The following KMT2B variants were observed in gnomAD, a reference collection of about 807,000 sequenced individuals.
KMT2B encodes the protein lysine methyltransferase 2B, also known as histone-lysine N-methyltransferase 2B.
In KMT2B, 22 loss-of-function variants were observed where a neutral mutation model predicts 255.3. That is an observed-to-expected ratio of 0.09 (90% CI 0.06 to 0.12). KMT2B has a LOEUF of 0.12. KMT2B is among the 10% of genes least tolerant of loss of function. KMT2B has a pLI of 1.00. For synonymous variants in KMT2B, 1,730 were observed against 1,498.1 expected (o/e 1.15, Z -3.57); for missense variants, 3,149 against 3,737.0 (o/e 0.84, Z 4.10).
rs1969369316 is a variant in KMT2B, at chr19:35,724,834, A to G, written c.3429+103A>G. On this transcript the variant is annotated intron_variant, in intron 9 of 36. Transcript: ENST00000420124. Reference sequence around the variant, plus strand: ...TCGTGGTGTGTCCACATGAGAGGACAGGCCCTGAGGGATGAGGCGGGCCTT... The same window carrying G: ...TCGTGGTGTGTCCACATGAGAGGACGGGCCCTGAGGGATGAGGCGGGCCTT... 5 of 1,193,320 alleles carry G rather than the reference A, an allele frequency of 4.2e-6. No homozygotes were observed. In the East Asian group the frequency reaches 7.6e-5, roughly 18 times the overall value. 73.9% of individuals were successfully genotyped at this position (1,193,320 alleles called of 1,614,324 possible).
rs757983939 is a variant in KMT2B at position 35,733,034 on chromosome 19, C to T, written c.6485C>T (p.Thr2162Ile). 2 of 1,590,620 alleles carry T rather than the reference C, an allele frequency of 1.3e-6. No homozygotes were observed. The highest frequency in any genetic ancestry group is 1.1e-5 in the South Asian group (1 of 87,536). ...LTASPADPTR[T>I]FAWLPGAPGV... The stretch of plus-strand genomic sequence containing the variant: ...GCCAGCCCAGCTGACCCCACCCGCA[C>T]ATTTGCCTGGCTCCCAGGGGCCCCA... Residue 2162 changes from threonine to isoleucine, a missense_variant, in exon 28 of 37, where the codon ACA (threonine) becomes ATA (isoleucine). Physicochemically the swap from Thr to Ile is moderately conservative, Grantham distance 89. Coordinates refer to ENST00000420124, the MANE Select transcript of KMT2B (RefSeq NM_014727.3). The surrounding 1 kb of genome is among the most constrained non-coding windows in gnomAD (Gnocchi z 4.3).
intron 26 of KMT2B, 115 bp downstream of exon 26, chr19:35,730,982 C>A: frequency 8.3e-7 from 1 of 1,202,726 alleles, no homozygotes; most frequent in Non-Finnish European, 1.1e-6. Flanking sequence ...GCTTCAGTTG[C>A]TGTAATGTAA....
At position 35,732,376 on chromosome 19, in the gene KMT2B, C is replaced by A. The variant is rs751969719; in HGVS notation, c.5827C>A (p.Pro1943Thr). ...LKTSPQLRVP[P>T]PTSVVTALTP... ...AACCTCCCCTCAGCTCAGGGTGCCCCCTCCTACCTCAGTCGTCACAGCCCT... is the reference window on the plus strand; with the variant it reads ...AACCTCCCCTCAGCTCAGGGTGCCCACTCCTACCTCAGTCGTCACAGCCCT... Residue 1943 changes from proline to threonine, a missense_variant, in exon 28 of 37, where the codon CCT (proline) becomes ACT (threonine). By Grantham distance (38) the Pro-to-Thr change is conservative. Around this residue, in one of 18 missense-constraint regions of KMT2B, gnomAD observed 897 missense variants for 825.3 expected, o/e 1.09. Transcript: ENST00000420124. 10 of 1,613,116 alleles carry A rather than the reference C, an allele frequency of 6.2e-6. No individual in the cohort carries two copies. In the Admixed American group the frequency reaches 1.7e-4, roughly 27 times the overall value.
intron 22 of KMT2B, 40 bp from the exon 23 acceptor site, chr19:35,729,927 C>A: frequency 6.3e-7 from 1 of 1,589,982 alleles, no homozygotes. Flanking sequence ...CGCCCAGCCC[C>A]AGCCCTGGCT....
chr19:35,723,878 TC>T lies in KMT2B; in HGVS notation c.3208del (p.Leu1070SerfsTer112). 1 of 1,610,224 alleles carries T rather than the reference TC, an allele frequency of 6.2e-7. No individual in the cohort carries two copies. The highest frequency in any genetic ancestry group is 1.7e-5 in the Admixed American group (1 of 59,684). On this transcript the variant is annotated frameshift_variant, in exon 8 of 37. Coordinates refer to ENST00000420124, the MANE Select transcript of KMT2B (RefSeq NM_014727.3). LOFTEE classifies it high-confidence loss of function. The surrounding 1 kb of genome is among the most constrained non-coding windows in gnomAD (Gnocchi z 7.5). ...VAHPGPEEQDSLLQRKSARRC... is the reference protein window; with the variant it reads ...VAHPGPEEQDXLLQRKSARRC... Reference sequence around the variant, plus strand: ...CCACCCAGGGCCCGAGGAGCAGGACTCCCTCCTGCAGCGCAAGTCAGCTCGG... The same window carrying T: ...CCACCCAGGGCCCGAGGAGCAGGACTCCTCCTGCAGCGCAAGTCAGCTCGG...
rs1274462820 is a variant in KMT2B at position 35,718,744 on chromosome 19, TG to T, written c.363+365del. 2.6e-5 allele frequency among the ~76,000 whole-genome samples: 4 copies of T among 152,062 alleles called. No homozygotes were observed. Among genetic ancestry groups the T allele is most frequent in the African/African-American group, 9.7e-5 (4 of 41,414 alleles). ...GGCAGCGTGGCCTTGGCAGACAGGT[TG>T]GAGCTGTCTGGGCTCTTACCTGTGG... On this transcript the variant is annotated intron_variant, in intron 1 of 36. Transcript: ENST00000420124. This position sits in a 1 kb window ranked among gnomAD's most constrained non-coding sequence, Gnocchi z 5.0.
intron 22 of KMT2B, among the ~76,000 whole-genome samples, chr19:35,729,557 C>A (rs868656636): frequency 6.6e-6 from 1 of 152,146 alleles, no homozygotes; most frequent in South Asian, 2.1e-4. Context: ...GCTTTCCATG[C>A]TGGGTGGCGT....
At chr19:35,722,292 C>T in intron 3 of KMT2B, 67 bp from the exon 4 acceptor site, 1 of 1,473,566 alleles carries the variant, frequency 6.8e-7, no homozygotes, top group Non-Finnish European at 9.1e-7. Context: ...CATCAGCCAC[C>T]ACACCCAGCT....
At chr19:35,736,553 G>T (rs1568384630) in intron 30 of KMT2B, 137 bp from the exon 31 acceptor site, 4 of 992,770 alleles carry the variant, frequency 4.0e-6, no homozygotes, top group Non-Finnish European at 5.9e-6. Context: ...TGGAGCAGAA[G>T]GAGGGCCATT....
At chr19:35,728,537 T>A (rs974033466) in intron 19 of KMT2B, among the ~76,000 whole-genome samples, 1 of 151,880 alleles carries the variant, frequency 6.6e-6, no homozygotes, top group African/African-American at 2.4e-5. Flanking sequence ...AGGGAAGGCT[T>A]CCTGAAAGAG....
chr19:35,737,488 C>G lies in KMT2B; in HGVS notation c.7551-148C>G, dbSNP rs56792854. 48,868 of 741,390 alleles carry G rather than the reference C, an allele frequency of 0.066. 1,855 individuals are homozygous for G. The highest frequency in any genetic ancestry group is 0.1 in the East Asian group (3,726 of 36,800). The allele number at this position is 741,390 out of a possible 1,614,324, so 45.9% of individuals were successfully genotyped here. A position where few individuals can be genotyped will look rare whatever the true frequency, so the allele number is the denominator to read the frequency against. On this transcript the variant is annotated intron_variant, in intron 33 of 36. Coordinates refer to ENST00000420124, the MANE Select transcript of KMT2B (RefSeq NM_014727.3). The surrounding 1 kb of genome is among the most constrained non-coding windows in gnomAD (Gnocchi z 5.3). ...CATGAGCCCAGGAGTTGGAGACCAG[C>G]GTAGGCAACATGGCAAAACCCCATC...
Position 35,737,587 on chromosome 19 carries a change from A to T in KMT2B, c.7551-49A>T. ...AATGAACCCCACCCATTTCCCTGTT[A>T]GCTCTGTCTTCAACAGTATATTCCT... On this transcript the variant is annotated intron_variant, in intron 33 of 36. Transcript: ENST00000420124. This position sits in a 1 kb window ranked among gnomAD's most constrained non-coding sequence, Gnocchi z 5.3. 1 of 1,234,006 alleles carries T rather than the reference A, an allele frequency of 8.1e-7. No homozygotes were observed. The highest frequency in any genetic ancestry group is 1.1e-6 in the Non-Finnish European group (1 of 879,200). The allele number at this position is 1,234,006 out of a possible 1,614,324, so 76.4% of individuals were successfully genotyped here. A position where few individuals can be genotyped will look rare whatever the true frequency, so the allele number is the denominator to read the frequency against.
At position 35,722,428 on chromosome 19, in the gene KMT2B, C is replaced by T. The variant is rs760437091; in HGVS notation, c.2527C>T (p.Arg843Trp). The change falls in exon 4 of 37, where the codon CGG becomes TGG. Residue 843 changes from arginine to tryptophan, a missense_variant. By Grantham distance (101) the Arg-to-Trp change is moderately radical. This residue lies in a region of KMT2B where 1,188 missense variants were observed against 1,106.4 expected (regional missense o/e 1.07). Coordinates refer to ENST00000420124, the MANE Select transcript of KMT2B (RefSeq NM_014727.3). Reference protein sequence around the residue: ...VKQISDRGPVRSEDESVEAKR... With the variant: ...VKQISDRGPVWSEDESVEAKR... ...GCAGATCTCCGACAGAGGCCCTGTC[C>T]GGTCTGAAGATGAGTCGGTGGAAGC... is the stretch of plus-strand genomic sequence containing the variant. 22 of 1,610,358 alleles carry T rather than the reference C, an allele frequency of 1.4e-5. No individual in the cohort carries two copies. The highest frequency in any genetic ancestry group is 8.9e-5 in the East Asian group (4 of 44,878).
intron 26 of KMT2B, among the ~76,000 whole-genome samples, chr19:35,731,293 G>A (rs1969681460): frequency 6.6e-6 from 1 of 152,250 alleles, no homozygotes; most frequent in African/African-American, 2.4e-5. Flanking sequence ...AGCCACACTG[G>A]CTGTGGGATG....
chr19:35,733,226 C>A lies in KMT2B; in HGVS notation c.6677C>A (p.Pro2226His). ...CCACCTTTGCCCCCCACCATTTCCC[C>A]CACGGCTCCCACCTCCTGGACTCTG... ...KQPPLPPTIS[P>H]TAPTSWTLPP... is the part of the protein sequence containing the mutation. The change falls in exon 28 of 37, where the codon CCC becomes CAC. Residue 2226 changes from proline to histidine, a missense_variant. Transcript: ENST00000420124. This position sits in a 1 kb window ranked among gnomAD's most constrained non-coding sequence, Gnocchi z 4.3. 6.7e-7 allele frequency: 1 copy of A among 1,494,396 alleles called. No homozygotes were observed. The highest frequency in any genetic ancestry group is 9.1e-7 in the Non-Finnish European group (1 of 1,097,710). The allele number at this position is 1,494,396 out of a possible 1,614,324, so 92.6% of individuals were successfully genotyped here.
chr19:35,724,809 T>C (rs1599679120), intron 9 of KMT2B, 78 bp downstream of exon 9: 1 of 1,311,682 alleles, frequency 7.6e-7, no homozygotes, highest in South Asian at 1.3e-5. Context: ...CACCTGAGTG[T>C]CGTGGTGTGT....
chr19:35,721,609 G>C lies in KMT2B; in HGVS notation c.2262G>C (p.Pro754=). 4 of 1,608,444 alleles carry C rather than the reference G, an allele frequency of 2.5e-6. No individual in the cohort carries two copies. Among genetic ancestry groups the C allele is most frequent in the Non-Finnish European group, 3.4e-6 (4 of 1,176,500 alleles). The change falls in exon 3 of 37, where the codon CCG becomes CCC. Residue 754 remains proline (P), a synonymous_variant. Transcript: ENST00000420124. The part of the protein sequence containing the change: ...LQTQLLPQAL[P]PPQPQLQPPP... Reference sequence around the variant, plus strand: ...CCCAGCTCCTGCCCCAGGCACTACCGCCACCACAGCCACAGCTGCAGCCAC... The same window carrying C: ...CCCAGCTCCTGCCCCAGGCACTACCCCCACCACAGCCACAGCTGCAGCCAC...
chr19:35,732,855 G>A lies in KMT2B; in HGVS notation c.6306G>A (p.Arg2102=). Residue 2102 remains arginine, a synonymous_variant, in exon 28 of 37, where the codon AGG becomes AGA. Transcript: ENST00000420124. The stretch of plus-strand genomic sequence containing the variant: ...GGGTCCTTGGGGCTGCAGGGGACAG[G>A]GCCCGGCCTCCTGAGGACCTGCCAT... ...RAGVLGAAGD[R]ARPPEDLPSE... The A allele has an allele frequency of 1.2e-6, 2 of 1,609,626 alleles. No homozygotes were observed. Among genetic ancestry groups the A allele is most frequent in the South Asian group, 1.1e-5 (1 of 90,550 alleles).
At position 35,725,017 on chromosome 19, in the gene KMT2B, C is replaced by T; in HGVS notation, c.3458C>T (p.Ser1153Phe). ...GCTTTGGCCCCTGGCCCCTTTGCTT[C>T]TTTTCCCAATGGCTGGACTGGAAAG... ...KDALAPGPFASFPNGWTGKQK... is the reference protein window; with the variant it reads ...KDALAPGPFAFFPNGWTGKQK... The change falls in exon 10 of 37, where the codon TCT becomes TTT. Residue 1153 changes from serine to phenylalanine, a missense_variant. This residue lies in a region of KMT2B where 136 missense variants were observed against 137.3 expected (regional missense o/e 0.99). Transcript: ENST00000420124. The surrounding 1 kb of genome is among the most constrained non-coding windows in gnomAD (Gnocchi z 4.1). The T allele has an allele frequency of 6.2e-7, 1 of 1,613,754 alleles. No individual in the cohort carries two copies. Among genetic ancestry groups the T allele is most frequent in the Non-Finnish European group, 8.5e-7 (1 of 1,179,698 alleles).
Sources: allele counts gnomAD v4.1 joint callset (sites outside exome capture counted in the v4.1 genomes callset), GRCh38; gene constraint gnomAD v4.1.1; regional missense constraint gnomAD v4.1.1; non-coding constraint Gnocchi (gnomAD v3.1); transcripts MANE v1.5; gene names NCBI Gene and HGNC (gene_info 2026-07-23, HGNC 2026-07-21).